VNN1: variants seen among roughly 807,000 people sequenced by gnomAD.
The protein encoded by VNN1 is pantetheinase.
VNN1 carries 29 observed loss-of-function variants against 41.9 expected under a neutral mutation model. The observed-to-expected ratio is 0.69, with a 90% CI of 0.52 to 0.94. The LOEUF (loss-of-function observed/expected upper bound fraction) is 0.94, where lower values mean the gene tolerates loss of function less well. VNN1 is among the 40% of genes least tolerant of loss of function. VNN1 has a pLI of 0.00. For synonymous variants in VNN1, 233 were observed against 224.4 expected (o/e 1.04, Z -0.34); for missense variants, 637 against 621.1 (o/e 1.03, Z -0.27).
chr6:132,683,131 G>C lies in VNN1; in HGVS notation c.*9C>G, dbSNP rs1181550531. On this transcript the variant is annotated 3_prime_UTR_variant, in exon 7 of 7. Transcript: ENST00000367928. ...TTATCCCAAATAAAAAAGAGAAAAA[G>C]TCAATATTCTACCAACTTAATGAGC... The C allele has an allele frequency of 6.4e-7, 1 of 1,570,218 alleles. No individual in the cohort carries two copies. Among genetic ancestry groups the C allele is most frequent in the Non-Finnish European group, 8.6e-7 (1 of 1,161,456 alleles).
intron 5 of VNN1, among the ~76,000 whole-genome samples, chr6:132,686,765 C>T (rs1778215043): frequency 2.0e-5 from 3 of 152,092 alleles, no homozygotes; most frequent in South Asian, 4.2e-4. Flanking sequence ...AATAAAAAAG[C>T]AGATAAAAGC....
intron 3 of VNN1, 33 bp downstream of exon 3, chr6:132,693,957 T>TA (rs1437335110): frequency 4.3e-6 from 7 of 1,611,184 alleles, no homozygotes; most frequent in Non-Finnish European, 5.9e-6. Flanking sequence ...CATTAGGCAT[T>TA]AACTAATTGG....
intron 4 of VNN1, 64 bp downstream of exon 4, chr6:132,692,960 A>G: frequency 3.4e-6 from 5 of 1,486,928 alleles, no homozygotes; most frequent in Non-Finnish European, 2.7e-6. Flanking sequence ...CTAGAAAAAC[A>G]TGTTTTTTTT....
At chr6:132,710,191 A>C (rs778736379) in intron 2 of VNN1, among the ~76,000 whole-genome samples, 14 of 151,984 alleles carry the variant, frequency 9.2e-5, no homozygotes, top group Non-Finnish European at 1.3e-4. Context: ...CTGGGATTAT[A>C]GGTGCCCACC....
intron 2 of VNN1, among the ~76,000 whole-genome samples, chr6:132,709,022 G>C (rs1029578150): frequency 3.3e-5 from 5 of 151,934 alleles, no homozygotes; most frequent in Admixed American, 1.3e-4. Flanking sequence ...ATTTCTTTCA[G>C]GTCTTTGCTG....
chr6:132,703,680 T>C (rs1015397496), intron 2 of VNN1, among the ~76,000 whole-genome samples: 7 of 151,690 alleles, frequency 4.6e-5, no homozygotes, highest in African/African-American at 1.7e-4. Flanking sequence ...AAAAACAAAA[T>C]GGCAGGAGTA....
chr6:132,690,568 A>G (rs1668509260), intron 5 of VNN1, among the ~76,000 whole-genome samples: 1 of 152,312 alleles, frequency 6.6e-6, no homozygotes, highest in East Asian at 1.9e-4. Context: ...ACGGACAATC[A>G]CATGCCAACC....
chr6:132,711,869 G>T, intron 1 of VNN1, 30 bp from the exon 2 acceptor site: 1 of 1,610,148 alleles, frequency 6.2e-7, no homozygotes, highest in South Asian at 1.1e-5. Context: ...ATCCAAAGGG[G>T]GGCCTGCAAG....
intron 2 of VNN1, among the ~76,000 whole-genome samples, chr6:132,707,719 A>T (rs1329862598): frequency 6.6e-6 from 1 of 152,218 alleles, no homozygotes; most frequent in Non-Finnish European, 1.5e-5. Context: ...AATCAAAACA[A>T]TTGAACTCAT....
rs920593517 is a variant in VNN1, at chr6:132,684,278, T to A, written c.1359+57A>T. ...TTGTAAGCACTTGAGCAGATTTTTATATCAAAAAGTGCTTCCTCTTACATG... is the reference window on the plus strand; with the variant it reads ...TTGTAAGCACTTGAGCAGATTTTTAAATCAAAAAGTGCTTCCTCTTACATG... On this transcript the variant is annotated intron_variant, in intron 6 of 6. Transcript: ENST00000367928. The A allele has an allele frequency of 2.6e-6, 4 of 1,529,302 alleles. No individual in the cohort carries two copies. The African/African-American group carries it at 5.6e-5, about 21-fold the overall frequency. The allele number at this position is 1,529,302 out of a possible 1,614,324, so 94.7% of individuals were successfully genotyped here. A position where few individuals can be genotyped will look rare whatever the true frequency, so the allele number is the denominator to read the frequency against.
intron 2 of VNN1, among the ~76,000 whole-genome samples, chr6:132,694,615 G>A (rs1242262627): frequency 1.3e-5 from 2 of 151,824 alleles, no homozygotes. Context: ...AGCACTTTGG[G>A]AGTCCAAGGA....
chr6:132,689,919 C>T (rs1778258257), intron 5 of VNN1, among the ~76,000 whole-genome samples: 1 of 152,208 alleles, frequency 6.6e-6, no homozygotes, highest in Non-Finnish European at 1.5e-5. Context: ...CTGCTCCTCT[C>T]TTGCCTCCTG....
At chr6:132,696,131 A>G (rs894897919) in intron 2 of VNN1, among the ~76,000 whole-genome samples, 5 of 152,172 alleles carry the variant, frequency 3.3e-5, no homozygotes, top group African/African-American at 1.2e-4. Flanking sequence ...AAGTAGAAAT[A>G]TCAATAAAAA....
In VNN1 at chr6:132,704,637, A is replaced by G. The variant is rs186532360; in HGVS notation, c.341+7072T>C. Among the ~76,000 whole-genome samples, 162 of 152,144 alleles carry G rather than the reference A, an allele frequency of 1.1e-3. 1 individual carries two copies. The highest frequency in any genetic ancestry group is 3.8e-3 in the African/African-American group (156 of 41,564). On this transcript the variant is annotated intron_variant, in intron 2 of 6. Coordinates refer to ENST00000367928, the MANE Select transcript of VNN1 (RefSeq NM_004666.3). ...AAACCTTCAAGTAAACAGCCTAATGATATATTTTTTTAAACTAGAAAAGGA... is the reference window on the plus strand; with the variant it reads ...AAACCTTCAAGTAAACAGCCTAATGGTATATTTTTTTAAACTAGAAAAGGA...
intron 3 of VNN1, 25 bp from the exon 4 acceptor site, chr6:132,693,340 A>C (rs754509380): frequency 1.3e-6 from 2 of 1,557,360 alleles, no homozygotes; most frequent in Non-Finnish European, 1.7e-6. Flanking sequence ...AGATAAAGAG[A>C]AAAAAATTAT....
At chr6:132,708,141 G>C (rs1276307625) in intron 2 of VNN1, among the ~76,000 whole-genome samples, 5 of 152,120 alleles carry the variant, frequency 3.3e-5, no homozygotes, top group Admixed American at 1.3e-4. Context: ...CTTTAAGTTA[G>C]GTTATTAGAC....
At chr6:132,698,441 A>G (rs999018149) in intron 2 of VNN1, among the ~76,000 whole-genome samples, 3 of 152,260 alleles carry the variant, frequency 2.0e-5, no homozygotes, top group East Asian at 3.8e-4. Flanking sequence ...CTGTCCAAGC[A>G]TACAATGTGA....
rs1448057962 is a variant in VNN1, at chr6:132,691,075, T to C, written c.1188+1148A>G. ...TGCTAGCAAATAGGAGATGGGAAAA[T>C]ATTTCAATATTGCAGAAGCCCAGGA... On this transcript the variant is annotated intron_variant, in intron 5 of 6. Transcript: ENST00000367928. Among the ~76,000 whole-genome samples the C allele has an allele frequency of 4.6e-5, 7 of 152,206 alleles. No individual in the cohort carries two copies. In the East Asian group the frequency reaches 1.4e-3, roughly 29 times the overall value.
intron 2 of VNN1, among the ~76,000 whole-genome samples, chr6:132,695,389 C>T (rs1019108886): frequency 6.6e-6 from 1 of 152,168 alleles, no homozygotes; most frequent in African/African-American, 2.4e-5. Context: ...ACCAATTCCT[C>T]ATCCCCTGTC....
Sources: allele counts gnomAD v4.1 joint callset (sites outside exome capture counted in the v4.1 genomes callset), GRCh38; gene constraint gnomAD v4.1.1; transcripts MANE v1.5; gene names NCBI Gene and HGNC (gene_info 2026-07-23, HGNC 2026-07-21).